Variants in CTNNA1 observed in about 807,000 individuals in gnomAD.
The protein encoded by CTNNA1 is catenin alpha-1.
In CTNNA1, 37 loss-of-function variants were observed where a neutral mutation model predicts 98.4. The observed-to-expected ratio is 0.38, with a 90% CI of 0.29 to 0.49. The LOEUF is 0.49. CTNNA1 is among the 20% of genes least tolerant of loss of function. The pLI is 0.95. For synonymous variants in CTNNA1, 404 were observed against 413.2 expected (o/e 0.98, Z 0.27); for missense variants, 761 against 1,147.2 (o/e 0.66, Z 4.86).
At chr5:138,811,934 G>T in intron 4 of CTNNA1, 1 of 348,134 alleles carries the variant, frequency 2.9e-6, no homozygotes, top group South Asian at 2.8e-5. Flanking sequence ...GGAGACCGTG[G>T]GGAGAGGGAG....
chr5:138,925,604 C>A, intron 13 of CTNNA1, 197 bp downstream of exon 13: 1 of 742,466 alleles, frequency 1.3e-6, no homozygotes, highest in Non-Finnish European at 2.0e-6. Flanking sequence ...CAAACTTGGG[C>A]CAAGAAGGGG....
intron 3 of CTNNA1, among the ~76,000 whole-genome samples, chr5:138,803,861 C>T (rs1478773119): frequency 1.3e-5 from 2 of 152,102 alleles, no homozygotes; most frequent in South Asian, 2.1e-4. Flanking sequence ...CCCTGGAGCC[C>T]GGGATTTTTT....
At chr5:138,825,878 A>G (rs1303672995) in intron 6 of CTNNA1, among the ~76,000 whole-genome samples, 3 of 152,142 alleles carry the variant, frequency 2.0e-5, no homozygotes, top group Non-Finnish European at 4.4e-5. Context: ...TTTACTAGCA[A>G]TGTTGTTTTT....
chr5:138,796,500 C>T (rs1285315017), intron 3 of CTNNA1, among the ~76,000 whole-genome samples: 3 of 150,808 alleles, frequency 2.0e-5, no homozygotes, highest in Non-Finnish European at 2.9e-5. Flanking sequence ...GCCTAGATCG[C>T]GCCACTGCAC....
chr5:138,777,860 G>A (rs1230177566), intron 1 of CTNNA1, among the ~76,000 whole-genome samples: 5 of 134,938 alleles, frequency 3.7e-5, no homozygotes, highest in Non-Finnish European at 6.3e-5. Flanking sequence ...AAGAGAGGGA[G>A]AGGGAGACCG....
intron 3 of CTNNA1, among the ~76,000 whole-genome samples, chr5:138,808,979 A>G (rs571500953): frequency 6.6e-6 from 1 of 152,136 alleles, no homozygotes; most frequent in Non-Finnish European, 1.5e-5. Flanking sequence ...AATGTTATAA[A>G]TTATTTTTAA....
chr5:138,889,878 T>C (rs754082373), intron 9 of CTNNA1, among the ~76,000 whole-genome samples: 9 of 152,340 alleles, frequency 5.9e-5, no homozygotes, highest in Non-Finnish European at 1.0e-4. Flanking sequence ...GAAATAAATT[T>C]TTAAAGTGTT....
chr5:138,910,820 C>T (rs1760449043), intron 10 of CTNNA1, among the ~76,000 whole-genome samples: 1 of 152,168 alleles, frequency 6.6e-6, no homozygotes, highest in Admixed American at 6.6e-5. Flanking sequence ...GATCAGATAT[C>T]TAAAACAAGT....
intron 5 of CTNNA1, among the ~76,000 whole-genome samples, chr5:138,812,857 G>T (rs1463506114): frequency 6.6e-6 from 1 of 152,162 alleles, no homozygotes; most frequent in Non-Finnish European, 1.5e-5. Flanking sequence ...AACCCTTCCT[G>T]TGCCCTTGCT....
chr5:138,829,398 G>C (rs868454550), intron 7 of CTNNA1, among the ~76,000 whole-genome samples: 2 of 152,318 alleles, frequency 1.3e-5, no homozygotes, highest in Non-Finnish European at 1.5e-5. Flanking sequence ...TGGTGTAAAA[G>C]TGTCTTATGT....
chr5:138,808,883 A>G (rs572403679), intron 3 of CTNNA1, among the ~76,000 whole-genome samples: 1 of 152,124 alleles, frequency 6.6e-6, no homozygotes, highest in Non-Finnish European at 1.5e-5. Flanking sequence ...AGTTGCTTCT[A>G]GCTGTAAGAA....
At chr5:138,881,926 T>C (rs1391157656) in intron 7 of CTNNA1, among the ~76,000 whole-genome samples, 2 of 152,254 alleles carry the variant, frequency 1.3e-5, no homozygotes, top group African/African-American at 2.4e-5. Flanking sequence ...TCAGGCTTAC[T>C]CTAGATTAAA....
rs757044956 is a variant in CTNNA1, at chr5:138,827,736, T to A, written c.1062+18T>A. 2.9e-5 allele frequency: 47 copies of A among 1,613,324 alleles called. No individual in the cohort carries two copies. The highest frequency in any genetic ancestry group is 4.0e-5 in the Non-Finnish European group (47 of 1,179,456). ...TGGGCAATGTGAGTTTGACAGCTTT[T>A]CTTTGAAGTAAGATATTTATGGATG... On this transcript the variant is annotated intron_variant, in intron 7 of 17. Coordinates refer to ENST00000302763, the MANE Select transcript of CTNNA1 (RefSeq NM_001903.5).
intron 7 of CTNNA1, among the ~76,000 whole-genome samples, chr5:138,837,874 C>G (rs1347870652): frequency 1.3e-5 from 2 of 151,918 alleles, no homozygotes; most frequent in South Asian, 2.1e-4. Flanking sequence ...TCTGCCTGCC[C>G]CAGCCTCCCA....
At chr5:138,919,523 C>T (rs1314631168) in intron 11 of CTNNA1, among the ~76,000 whole-genome samples, 3 of 152,060 alleles carry the variant, frequency 2.0e-5, no homozygotes, top group East Asian at 3.9e-4. Context: ...ATCTTTAGGG[C>T]ATATGACATA....
rs1223004983 is a variant in CTNNA1, at chr5:138,887,475, C to T, written c.1144-15C>T. On this transcript the variant is annotated splice_polypyrimidine_tract_variant and intron_variant, in intron 8 of 17. Coordinates refer to ENST00000302763, the MANE Select transcript of CTNNA1 (RefSeq NM_001903.5). ...TGGTAGAAATAAAATCAAATTTTTA[C>T]AATTTAATCATTAGCTCCGCAAAGC... 6.4e-7 allele frequency: 1 copy of T among 1,568,002 alleles called. No individual in the cohort carries two copies. The highest frequency in any genetic ancestry group is 8.6e-7 in the Non-Finnish European group (1 of 1,157,658).
intron 11 of CTNNA1, among the ~76,000 whole-genome samples, chr5:138,924,224 G>C (rs1465377368): frequency 6.6e-6 from 1 of 151,902 alleles, no homozygotes; most frequent in African/African-American, 2.4e-5. Flanking sequence ...TTACAGAACA[G>C]CTGTGTCTCA....
chr5:138,825,834 A>G (rs1049250541), intron 6 of CTNNA1, among the ~76,000 whole-genome samples: 1 of 152,152 alleles, frequency 6.6e-6, no homozygotes, highest in African/African-American at 2.4e-5. Context: ...ACATTAAATT[A>G]TTTTATAACA....
At chr5:138,906,089 G>A (rs569215472) in intron 10 of CTNNA1, among the ~76,000 whole-genome samples, 2 of 152,234 alleles carry the variant, frequency 1.3e-5, no homozygotes, top group Admixed American at 6.5e-5. Flanking sequence ...TCTCTCGGTG[G>A]TTATTAATCT....
Sources: allele counts gnomAD v4.1 joint callset (sites outside exome capture counted in the v4.1 genomes callset), GRCh38; gene constraint gnomAD v4.1.1; transcripts MANE v1.5; gene names NCBI Gene and HGNC (gene_info 2026-07-23, HGNC 2026-07-21).